OCA2: variants seen among roughly 807,000 people sequenced by gnomAD.
OCA2 encodes P protein.
A neutral mutation model predicts 100.2 loss-of-function variants in OCA2; 77 were observed. That is an observed-to-expected ratio of 0.77 (90% CI 0.64 to 0.93). OCA2 has a LOEUF of 0.93. OCA2 is among the 40% of genes least tolerant of loss of function. The pLI, the probability that OCA2 is intolerant of heterozygous loss-of-function variation, is 0.00. For missense variants in OCA2, 1,062 were observed against 1,089.1 expected (o/e 0.98, Z 0.35); for synonymous variants, 432 against 439.2 (o/e 0.98, Z 0.21).
At chr15:27,989,192 GCACTATGATCAATTGGTAAA>G (rs1471682632) in intron 11 of OCA2, among the ~76,000 whole-genome samples, 1 of 152,112 alleles carries the variant, frequency 6.6e-6, no homozygotes, top group Non-Finnish European at 1.5e-5. Flanking sequence ...TGGCCACTGG[GCACTATGATCAATTGGTAAA>G]CACCCAACTA....
At chr15:28,077,944 G>T (rs182513105) in intron 2 of OCA2, among the ~76,000 whole-genome samples, 138 of 152,288 alleles carry the variant, frequency 9.1e-4, no homozygotes, top group African/African-American at 3.2e-3. Context: ...GCCGGATGTG[G>T]TGGCGAGTGC....
intron 15 of OCA2, among the ~76,000 whole-genome samples, chr15:27,965,689 C>T (rs1384177708): frequency 6.6e-6 from 1 of 152,206 alleles, no homozygotes; most frequent in Non-Finnish European, 1.5e-5. Context: ...AATCCGTGAG[C>T]TCTACAAATT....
At chr15:27,927,182 G>T (rs530620459) in intron 18 of OCA2, among the ~76,000 whole-genome samples, 44 of 152,264 alleles carry the variant, frequency 2.9e-4, no homozygotes, top group Admixed American at 4.6e-4. Flanking sequence ...CCAGCTACTT[G>T]GGAGGCTGAG....
intron 2 of OCA2, among the ~76,000 whole-genome samples, chr15:28,052,733 C>T (rs1013450744): frequency 6.6e-6 from 1 of 152,218 alleles, no homozygotes; most frequent in African/African-American, 2.4e-5. Context: ...CTGCATTAAG[C>T]AAGCTCACAG....
chr15:28,066,279 T>C (rs2044021335), intron 2 of OCA2, among the ~76,000 whole-genome samples: 1 of 152,122 alleles, frequency 6.6e-6, no homozygotes, highest in Non-Finnish European at 1.5e-5. Flanking sequence ...TAAGCCATGT[T>C]CCTAGAGCAG....
downstream of OCA2, among the ~76,000 whole-genome samples, chr15:27,752,298 T>A (rs2030091438): frequency 6.6e-6 from 1 of 152,204 alleles, no homozygotes; most frequent in Non-Finnish European, 1.5e-5. Flanking sequence ...CCTGTGGCAG[T>A]CCAACATTTA....
intron 1 of OCA2, among the ~76,000 whole-genome samples, chr15:28,083,291 A>G (rs979972315): frequency 6.6e-6 from 1 of 152,232 alleles, no homozygotes; most frequent in Middle Eastern, 3.2e-3. Flanking sequence ...TGGTGGAGCC[A>G]GAACTTACTT....
At chr15:27,853,709 T>C (rs2151422784) in intron 21 of OCA2, among the ~76,000 whole-genome samples, 1 of 152,120 alleles carries the variant, frequency 6.6e-6, no homozygotes, top group East Asian at 1.9e-4. Context: ...AGAGCTATGT[T>C]GTCCCCACCA....
the OCA2 span, among the ~76,000 whole-genome samples, chr15:27,744,429 G>C: frequency 6.6e-6 from 1 of 152,132 alleles, no homozygotes; most frequent in African/African-American, 2.4e-5. Flanking sequence ...GAAAGCCAGG[G>C]GTCAGGCCAG....
intron 2 of OCA2, among the ~76,000 whole-genome samples, chr15:28,065,182 T>C (rs919840113): frequency 6.6e-6 from 1 of 152,160 alleles, no homozygotes; most frequent in Non-Finnish European, 1.5e-5. Context: ...AGTCTCCCAC[T>C]GAGACTAAGA....
At chr15:28,094,692 C>T (rs2044936503) in intron 1 of OCA2, among the ~76,000 whole-genome samples, 2 of 152,242 alleles carry the variant, frequency 1.3e-5, no homozygotes, top group Non-Finnish European at 2.9e-5. Flanking sequence ...GCAACCGTGC[C>T]CCCGAACTCG....
intron 19 of OCA2, among the ~76,000 whole-genome samples, chr15:27,882,654 A>AT (rs1364506994): frequency 1.3e-5 from 2 of 152,182 alleles, no homozygotes; most frequent in African/African-American, 4.8e-5. Flanking sequence ...ATGTTAAAAT[A>AT]TGTAAACTCT....
chr15:27,730,980 A>ATT, the OCA2 span, among the ~76,000 whole-genome samples: 1 of 150,164 alleles, frequency 6.7e-6, no homozygotes, highest in Admixed American at 6.7e-5. Context: ...TGAGTTAAAA[A>ATT]TTTTTTTTAT....
intron 3 of OCA2, among the ~76,000 whole-genome samples, chr15:28,030,384 A>G (rs947413602): frequency 1.3e-5 from 2 of 152,224 alleles, no homozygotes; most frequent in African/African-American, 4.8e-5. Context: ...TGGGTGGGGC[A>G]GAGACAACTA....
intron 2 of OCA2, among the ~76,000 whole-genome samples, chr15:28,063,631 T>C (rs2043941471): frequency 6.6e-6 from 1 of 152,164 alleles, no homozygotes; most frequent in African/African-American, 2.4e-5. Context: ...TAAAACAATC[T>C]ATTTAGAACT....
At chr15:27,737,580 C>T in the OCA2 span, among the ~76,000 whole-genome samples, 3 of 152,052 alleles carry the variant, frequency 2.0e-5, no homozygotes, top group Non-Finnish European at 4.4e-5. Flanking sequence ...TCACACCATA[C>T]GTAAAAATAA....
intron 21 of OCA2, 126 bp from the exon 22 acceptor site, chr15:27,851,601 G>T: frequency 1.2e-6 from 1 of 832,212 alleles, no homozygotes; most frequent in East Asian, 2.7e-5. Flanking sequence ...AAGATTTGTG[G>T]AAAGAAACCA....
chr15:28,076,505 T>C (rs1202001887), intron 2 of OCA2, among the ~76,000 whole-genome samples: 2 of 152,174 alleles, frequency 1.3e-5, no homozygotes, highest in Non-Finnish European at 2.9e-5. Context: ...TAATTACATT[T>C]TCCACTGATT....
chr15:27,723,443 A>T, the OCA2 span, among the ~76,000 whole-genome samples: 1 of 152,030 alleles, frequency 6.6e-6, no homozygotes, highest in Non-Finnish European at 1.5e-5. Context: ...CACAAACCAC[A>T]TCCTCACAGA....
Sources: allele counts gnomAD v4.1 joint callset (sites outside exome capture counted in the v4.1 genomes callset), GRCh38; gene constraint gnomAD v4.1.1; transcripts MANE v1.5; gene names NCBI Gene and HGNC (gene_info 2026-07-23, HGNC 2026-07-21).